Variants in ATXN7L1 observed in about 807,000 individuals in gnomAD.
The protein encoded by ATXN7L1 is ataxin 7 like 1.
ATXN7L1 carries 15 observed loss-of-function variants against 70.8 expected under a neutral mutation model. The ratio of observed to expected loss-of-function variants is 0.21; its 90% CI spans 0.14 to 0.33. ATXN7L1 has a LOEUF of 0.33. ATXN7L1 is among the 10% of genes least tolerant of loss of function. The pLI is 1.00. For missense variants in ATXN7L1, 975 were observed against 1,097.1 expected (o/e 0.89, Z 1.57); for synonymous variants, 440 against 445.1 (o/e 0.99, Z 0.14).
intron 3 of ATXN7L1, among the ~76,000 whole-genome samples, chr7:105,771,840 A>G (rs906675208): frequency 2.6e-5 from 4 of 152,182 alleles, no homozygotes; most frequent in Non-Finnish European, 4.4e-5. Context: ...GATTTTAGAA[A>G]TAAAATCTAT....
At chr7:105,755,447 C>A (rs1799692797) in intron 3 of ATXN7L1, among the ~76,000 whole-genome samples, 1 of 152,058 alleles carries the variant, frequency 6.6e-6, no homozygotes, top group East Asian at 1.9e-4. Context: ...CCATCAGGGT[C>A]CTTGTTTTTG....
chr7:105,841,219 A>C (rs1285900854), intron 2 of ATXN7L1, among the ~76,000 whole-genome samples: 2 of 152,208 alleles, frequency 1.3e-5, no homozygotes, highest in Non-Finnish European at 2.9e-5. Flanking sequence ...CATGGAGCAG[A>C]GCATGAGACC....
In ATXN7L1 at chr7:105,837,013, C is replaced by T. The variant is rs1022723858; in HGVS notation, c.250+38799G>A. The stretch of plus-strand genomic sequence containing the variant: ...GTGGAGGCATGGTACTGACATTGCT[C>T]GGCTTCTGGGGAGGCCTCAGGGAGC... On this transcript the variant is annotated intron_variant, in intron 2 of 11. Transcript: ENST00000419735. Among the ~76,000 whole-genome samples the T allele has an allele frequency of 2.0e-5, 3 of 152,104 alleles. No individual in the cohort carries two copies. In the South Asian group the frequency reaches 6.2e-4, roughly 32 times the overall value.
rs542362985 is a variant in ATXN7L1 at position 105,799,678 on chromosome 7, G to A, written c.251-10970C>T. On this transcript the variant is annotated intron_variant, in intron 2 of 11. Coordinates refer to ENST00000419735, the MANE Select transcript of ATXN7L1 (RefSeq NM_020725.2). ...CAAGCCCCTCAAGATTACAATAATC[G>A]CCCAAACGATGCTGCCAGAGCTCAG... is the stretch of plus-strand genomic sequence containing the variant. Among the ~76,000 whole-genome samples, 30 of 152,078 alleles carry A rather than the reference G, an allele frequency of 2.0e-4. No individual in the cohort carries two copies. The South Asian group carries it at 5.8e-3, about 29-fold the overall frequency.
intron 3 of ATXN7L1, among the ~76,000 whole-genome samples, chr7:105,723,874 A>G (rs1016908544): frequency 2.0e-5 from 3 of 152,186 alleles, no homozygotes; most frequent in African/African-American, 4.8e-5. Flanking sequence ...GAGACACTCT[A>G]CTGGTACTTG....
rs1802235476 is a variant in ATXN7L1 at position 105,664,504 on chromosome 7, TGTATA to T, written c.578+557_578+561del. ...TATGTATACATATATGTATAATATA[TGTATA>T]ATATATATATACATATGTATAATAT... On this transcript the variant is annotated intron_variant, in intron 4 of 11. Transcript: ENST00000419735. 6.2e-5 allele frequency among the ~76,000 whole-genome samples: 9 copies of T among 146,328 alleles called. No individual in the cohort carries two copies. The South Asian group carries it at 1.3e-3, about 21-fold the overall frequency.
rs11462722 is a variant in ATXN7L1, at chr7:105,670,661, T to TAAA, written c.356-5376_356-5374dup. Among the ~76,000 whole-genome samples the TAAA allele has an allele frequency of 2.6e-3, 385 of 147,476 alleles. 3 individuals are homozygous for TAAA. The highest frequency in any genetic ancestry group is 9.2e-3 in the African/African-American group (369 of 40,092). ...TTGCTGTCTACCTACTATTTATCTT[T>TAAA]AAAAAAAAAAAAACTGATTTGGCCG... On this transcript the variant is annotated intron_variant, in intron 3 of 11. Coordinates refer to ENST00000419735, the MANE Select transcript of ATXN7L1 (RefSeq NM_020725.2).
intron 8 of ATXN7L1, 148 bp downstream of exon 8, chr7:105,623,927 G>A (rs1795298322): frequency 4.7e-6 from 3 of 641,812 alleles, no homozygotes. Flanking sequence ...GTATTTCTAA[G>A]GCAATCATTC....
At chr7:105,687,250 G>A (rs1790046180) in intron 3 of ATXN7L1, among the ~76,000 whole-genome samples, 1 of 152,230 alleles carries the variant, frequency 6.6e-6, no homozygotes, top group African/African-American at 2.4e-5. Flanking sequence ...TTCCTGCAAT[G>A]TTCTGATGCT....
chr7:105,640,051 G>A (rs1428176871), intron 5 of ATXN7L1, among the ~76,000 whole-genome samples: 1 of 151,782 alleles, frequency 6.6e-6, no homozygotes, highest in Non-Finnish European at 1.5e-5. Context: ...CTTCCTGCTA[G>A]TTTTAGCCAT....
At chr7:105,841,250 G>T (rs1278552050) in intron 2 of ATXN7L1, among the ~76,000 whole-genome samples, 10 of 152,196 alleles carry the variant, frequency 6.6e-5, no homozygotes, top group Non-Finnish European at 1.5e-4. Context: ...CAGTTGAAAT[G>T]CCTGTCCTGG....
In ATXN7L1 at chr7:105,776,882, G is replaced by A. The variant is rs142997796; in HGVS notation, c.355+11722C>T. 9.5e-3 allele frequency among the ~76,000 whole-genome samples: 1,452 copies of A among 152,250 alleles called. 40 individuals carry two copies. In the East Asian group the frequency reaches 0.1, roughly 11 times the overall value. ...CCTGCCAGGTTCAAGCGATTCTCGT[G>A]CCTCAGCCTCCTGAGTAGCTGGGAT... On this transcript the variant is annotated intron_variant, in intron 3 of 11. Transcript: ENST00000419735.
intron 2 of ATXN7L1, among the ~76,000 whole-genome samples, chr7:105,864,058 G>T (rs1379951482): frequency 6.6e-6 from 1 of 152,018 alleles, no homozygotes; most frequent in East Asian, 1.9e-4. Context: ...AGCTTCCCAA[G>T]GAATTTTCAA....
intron 3 of ATXN7L1, among the ~76,000 whole-genome samples, chr7:105,702,587 G>A (rs1428994797): frequency 6.6e-6 from 1 of 150,534 alleles, no homozygotes; most frequent in Non-Finnish European, 1.5e-5. Context: ...CACACACACA[G>A]GGCGAATCAC....
chr7:105,869,113 G>A (rs1009829569), intron 2 of ATXN7L1, among the ~76,000 whole-genome samples: 32 of 152,140 alleles, frequency 2.1e-4, no homozygotes, highest in African/African-American at 5.3e-4. Context: ...GAGCTTATAG[G>A]TCTCCAAGCC....
At position 105,613,979 on chromosome 7, in the gene ATXN7L1, A is replaced by G; in HGVS notation, c.2355T>C (p.Ser785=). 1 of 1,552,322 alleles carries G rather than the reference A, an allele frequency of 6.4e-7. No homozygotes were observed. Among genetic ancestry groups the G allele is most frequent in the Non-Finnish European group, 8.7e-7 (1 of 1,147,124 alleles). The change falls in exon 10 of 12, where the codon TCT becomes TCC. Residue 785 remains serine (S), a synonymous_variant. Transcript: ENST00000419735. ...SEGKKRKNSS[S]SSKACKITKM... ...TAGTGATTTTACAGGCTTTGCTACT[A>G]GAACTCGAGTTCTTACGCTTTTTTC...
At chr7:105,754,003 TCAGTTTC>T (rs1563065555) in intron 3 of ATXN7L1, among the ~76,000 whole-genome samples, 1 of 152,228 alleles carries the variant, frequency 6.6e-6, no homozygotes, top group African/African-American at 2.4e-5. Context: ...CTTCTCGGTC[TCAGTTTC>T]CTCTCTGTAA....
intron 2 of ATXN7L1, among the ~76,000 whole-genome samples, chr7:105,820,445 A>G (rs60327137): frequency 0.31 from 46,473 of 151,840 alleles, 7,563 homozygotes; most frequent in East Asian, 0.58. Flanking sequence ...AGTTGGAGCA[A>G]GACCTCCAAG....
At chr7:105,612,397 C>T (rs1227551959) in intron 10 of ATXN7L1, among the ~76,000 whole-genome samples, 2 of 152,240 alleles carry the variant, frequency 1.3e-5, no homozygotes, top group African/African-American at 4.8e-5. Flanking sequence ...CACGGCCTTG[C>T]TGTTCAAGGC....
Sources: allele counts gnomAD v4.1 joint callset (sites outside exome capture counted in the v4.1 genomes callset), GRCh38; gene constraint gnomAD v4.1.1; transcripts MANE v1.5; gene names NCBI Gene and HGNC (gene_info 2026-07-23, HGNC 2026-07-21).